The following ZNF251 variants were observed in gnomAD, a reference collection of about 807,000 sequenced individuals.
ZNF251 encodes the protein zinc finger protein 251.
A neutral mutation model predicts 13.5 loss-of-function variants in ZNF251; 14 were observed. The observed-to-expected ratio is 1.04, with a 90% CI of 0.69 to 1.63. The LOEUF is 1.63. ZNF251 is among the 40% of genes most tolerant of loss of function. The probability of loss-of-function intolerance (pLI) is 0.00; values close to 1 mark genes in which losing one functional copy is unlikely to be tolerated. For synonymous variants in ZNF251, 287 were observed against 295.2 expected (o/e 0.97, Z 0.28); for missense variants, 764 against 834.9 (o/e 0.92, Z 1.05).
At chr8:144,733,763 A>G (rs1823794733) in intron 4 of ZNF251, among the ~76,000 whole-genome samples, 1 of 152,138 alleles carries the variant, frequency 6.6e-6, no homozygotes, top group Non-Finnish European at 1.5e-5. Context: ...CAAGACATAT[A>G]CGTAAGCAAA....
intron 4 of ZNF251, among the ~76,000 whole-genome samples, chr8:144,737,030 C>G (rs932393326): frequency 4.6e-5 from 7 of 151,858 alleles, no homozygotes; most frequent in African/African-American, 1.7e-4. Context: ...TCTTGAATTC[C>G]TGACCTCCGA....
In ZNF251 at chr8:144,730,149, G is replaced by T. The variant is rs965805506; in HGVS notation, c.278-6767C>A. ...AAAGAGAACTCAGGAACCAAACAGG[G>T]AAGTGGAGAGCCATGTTTTATCCAC... On this transcript the variant is annotated intron_variant, in intron 4 of 4. Coordinates refer to ENST00000292562, the MANE Select transcript of ZNF251 (RefSeq NM_138367.2). 3 of 980,950 alleles carry T rather than the reference G, an allele frequency of 3.1e-6. No individual in the cohort carries two copies. The African/African-American group carries it at 5.2e-5, about 17-fold the overall frequency. The allele number at this position is 980,950 out of a possible 1,614,324, so 60.8% of individuals were successfully genotyped here. A position where few individuals can be genotyped will look rare whatever the true frequency, so the allele number is the denominator to read the frequency against.
chr8:144,755,407 G>C lies in ZNF251; in HGVS notation c.-78C>G. ...TTCCTGGTCCGACACTGCCCCACCT[G>C]TTTGCTCGACCCGGGGAAGCCACCG... On this transcript the variant is annotated splice_region_variant and 5_prime_UTR_variant, in exon 1 of 5. Coordinates refer to ENST00000292562, the MANE Select transcript of ZNF251 (RefSeq NM_138367.2). The C allele has an allele frequency of 7.8e-7, 1 of 1,288,406 alleles. No individual in the cohort carries two copies. The highest frequency in any genetic ancestry group is 1.0e-6 in the Non-Finnish European group (1 of 988,804). The allele number at this position is 1,288,406 out of a possible 1,614,324, so 79.8% of individuals were successfully genotyped here.
chr8:144,732,547 T>A (rs1226580428), intron 4 of ZNF251, among the ~76,000 whole-genome samples: 4 of 151,960 alleles, frequency 2.6e-5, no homozygotes, highest in Non-Finnish European at 4.4e-5. Context: ...GCGCGGTGGC[T>A]CACGCCTGTA....
In ZNF251 at chr8:144,727,061, AT is replaced by A. The variant is rs566820999; in HGVS notation, c.278-3680del. 2.0e-5 allele frequency among the ~76,000 whole-genome samples: 3 copies of A among 151,782 alleles called. No homozygotes were observed. The South Asian group carries it at 6.2e-4, about 32-fold the overall frequency. Reference sequence around the variant, plus strand: ...AGGGACGCCCTGTCTCTGAAAAAAAATTTTTTTTAGTGAAAGAACCCAAACA... The same window carrying A: ...AGGGACGCCCTGTCTCTGAAAAAAAATTTTTTTAGTGAAAGAACCCAAACA... On this transcript the variant is annotated intron_variant, in intron 4 of 4. Transcript: ENST00000292562.
chr8:144,732,704 T>A (rs186516355), intron 4 of ZNF251, among the ~76,000 whole-genome samples: 27 of 150,460 alleles, frequency 1.8e-4, no homozygotes, highest in Non-Finnish European at 3.0e-4. Context: ...CCCAGCTACT[T>A]GGGAGGCTGA....
chr8:144,743,510 A>C (rs778497115), intron 4 of ZNF251, among the ~76,000 whole-genome samples: 24 of 152,252 alleles, frequency 1.6e-4, no homozygotes, highest in Non-Finnish European at 2.8e-4. Flanking sequence ...ATTATGAATA[A>C]GGCTGCCGTA....
At chr8:144,753,230 G>A (rs1045390930) in intron 4 of ZNF251, among the ~76,000 whole-genome samples, 2 of 137,790 alleles carry the variant, frequency 1.5e-5, no homozygotes, top group African/African-American at 2.7e-5. Context: ...AGCCGAGATC[G>A]TGCCACTGCA....
At chr8:144,738,276 C>A (rs1223961852) in intron 4 of ZNF251, among the ~76,000 whole-genome samples, 2 of 152,182 alleles carry the variant, frequency 1.3e-5, no homozygotes, top group Non-Finnish European at 2.9e-5. Context: ...GGGTTCTGAA[C>A]TCAACAAGCC....
Position 144,729,021 on chromosome 8 carries a change from G to C in ZNF251, c.278-5639C>G, listed in dbSNP as rs1046033444. ...GAGAATCACTAGAACCTGGGAGGCG[G>C]AGGTTGCAGTGAGCTGAGATCGCGC... On this transcript the variant is annotated intron_variant, in intron 4 of 4. Transcript: ENST00000292562. 2.7e-5 allele frequency among the ~76,000 whole-genome samples: 4 copies of C among 149,646 alleles called. No individual in the cohort carries two copies. In the Admixed American group the frequency reaches 2.7e-4, roughly 10 times the overall value.
chr8:144,742,867 T>C (rs1036438158), intron 4 of ZNF251, among the ~76,000 whole-genome samples: 2 of 152,152 alleles, frequency 1.3e-5, no homozygotes, highest in Non-Finnish European at 2.9e-5. Context: ...AGAATCCACT[T>C]ATATGAAGCC....
chr8:144,754,105 C>A, intron 3 of ZNF251, 87 bp downstream of exon 3: 1 of 1,516,600 alleles, frequency 6.6e-7, no homozygotes, highest in Non-Finnish European at 8.9e-7. Flanking sequence ...GCAGGACCCT[C>A]TTCTTTGGGA....
intron 4 of ZNF251, among the ~76,000 whole-genome samples, chr8:144,751,778 G>A (rs905194152): frequency 4.6e-5 from 7 of 152,086 alleles, no homozygotes; most frequent in Admixed American, 2.0e-4. Flanking sequence ...AGATTGTTAG[G>A]ATGAAGAAAC....
At chr8:144,730,006 C>A in intron 4 of ZNF251, 3 of 984,594 alleles carry the variant, frequency 3.0e-6, no homozygotes, top group Non-Finnish European at 3.6e-6. Context: ...TGGCGTTGTT[C>A]CCAGGAGCGG....
rs1823879311 is a variant in ZNF251, at chr8:144,736,056, GCCCCCA to G, written c.278-12680_278-12675del. Among the ~76,000 whole-genome samples, 11 of 152,292 alleles carry G rather than the reference GCCCCCA, an allele frequency of 7.2e-5. No homozygotes were observed. The South Asian group carries it at 2.3e-3, about 32-fold the overall frequency. The stretch of plus-strand genomic sequence containing the variant: ...TGGACTAAGAACCGGACCCTCATGG[GCCCCCA>G]CGCTGGGCGGCTGTGCCCAACGCCC... On this transcript the variant is annotated intron_variant, in intron 4 of 4. Transcript: ENST00000292562.
intron 4 of ZNF251, among the ~76,000 whole-genome samples, chr8:144,739,005 G>A (rs200637629): frequency 1.3e-5 from 2 of 151,902 alleles, no homozygotes; most frequent in Non-Finnish European, 2.9e-5. Flanking sequence ...CTTCCTGACG[G>A]GGATGGCCAA....
At chr8:144,735,482 C>T (rs1399635307) in intron 4 of ZNF251, among the ~76,000 whole-genome samples, 2 of 151,940 alleles carry the variant, frequency 1.3e-5, no homozygotes. Context: ...TCAGAGTTAG[C>T]GCTCACTCCC....
chr8:144,749,207 C>T (rs1038810905), intron 4 of ZNF251, among the ~76,000 whole-genome samples: 1 of 152,142 alleles, frequency 6.6e-6, no homozygotes, highest in Non-Finnish European at 1.5e-5. Flanking sequence ...GGATTATTGG[C>T]TGGGTACAGT....
Position 144,721,553 on chromosome 8 carries a change from T to G in ZNF251, c.*91A>C. The G allele has an allele frequency of 8.3e-7, 1 of 1,201,546 alleles. No homozygotes were observed. The highest frequency in any genetic ancestry group is 1.1e-6 in the Non-Finnish European group (1 of 945,596). 74.4% of individuals were successfully genotyped at this position (1,201,546 alleles called of 1,614,324 possible). On this transcript the variant is annotated 3_prime_UTR_variant, in exon 5 of 5. Transcript: ENST00000292562. Reference sequence around the variant, plus strand: ...TGAACTATTTATTTTACTTTGCCAGTAATATTTAGACCTTATATATCTTTC... The same window carrying G: ...TGAACTATTTATTTTACTTTGCCAGGAATATTTAGACCTTATATATCTTTC...
Sources: gnomAD v4.1 joint callset for allele counts (sites outside exome capture counted in the v4.1 genomes callset) on GRCh38, gnomAD v4.1.1 for gene constraint, MANE v1.5 for transcripts, NCBI Gene and HGNC (gene_info 2026-07-23, HGNC 2026-07-21) for gene names.